The following TRIM37 variants were observed in gnomAD, a reference collection of about 807,000 sequenced individuals.
TRIM37 encodes tripartite motif containing 37.
TRIM37 carries 80 observed loss-of-function variants against 129.8 expected under a neutral mutation model. That is an observed-to-expected ratio of 0.62 (90% CI 0.51 to 0.74). The LOEUF is 0.74. Ranked by LOEUF, TRIM37 falls within the 30% of genes least tolerant of loss-of-function variation. The pLI, the probability that TRIM37 is intolerant of heterozygous loss-of-function variation, is 0.00. For missense variants in TRIM37, 1,054 were observed against 1,176.5 expected (o/e 0.90, Z 1.52); for synonymous variants, 389 against 387.1 (o/e 1.00, Z -0.06).
At chr17:59,051,685 A>T (rs1159608875) in intron 13 of TRIM37, among the ~76,000 whole-genome samples, 1 of 152,172 alleles carries the variant, frequency 6.6e-6, no homozygotes, top group Admixed American at 6.5e-5. Context: ...AAGGAGGAAG[A>T]TAACTCTTAT....
At chr17:59,058,791 G>C (rs1213330556) in intron 12 of TRIM37, among the ~76,000 whole-genome samples, 1 of 152,174 alleles carries the variant, frequency 6.6e-6, no homozygotes, top group African/African-American at 2.4e-5. Context: ...CTGGGCCCAG[G>C]AGGTTGAGGC....
intron 2 of TRIM37, 82 bp from the exon 3 acceptor site, chr17:59,091,422 TAA>T (rs1415331648): frequency 3.3e-5 from 10 of 298,916 alleles, no homozygotes; most frequent in South Asian, 6.9e-5. Flanking sequence ...TATTTATATA[TAA>T]TATATATAAT....
In TRIM37 at chr17:58,998,265, T is replaced by A; in HGVS notation, c.*1112A>T. 1.0e-6 allele frequency: 1 copy of A among 985,416 alleles called. No individual in the cohort carries two copies. The highest frequency in any genetic ancestry group is 1.2e-6 in the Non-Finnish European group (1 of 829,934). The allele number at this position is 985,416 out of a possible 1,614,324, so 61.0% of individuals were successfully genotyped here. Reference sequence around the variant, plus strand: ...ATTTTGAACAAAAGTAAACTATGAGTCACAGCATTCAGCAAGACATCAGAC... The same window carrying A: ...ATTTTGAACAAAAGTAAACTATGAGACACAGCATTCAGCAAGACATCAGAC... On this transcript the variant is annotated 3_prime_UTR_variant, in exon 24 of 24. Coordinates refer to ENST00000262294, the MANE Select transcript of TRIM37 (RefSeq NM_015294.6).
At chr17:59,030,116 T>G (rs2037678228) in intron 18 of TRIM37, among the ~76,000 whole-genome samples, 1 of 148,708 alleles carries the variant, frequency 6.7e-6, no homozygotes, top group Non-Finnish European at 1.5e-5. Flanking sequence ...TTCCAGTTCA[T>G]TTTTTTTTTT....
chr17:58,976,003 G>A, the TRIM37 span, among the ~76,000 whole-genome samples: 3 of 152,142 alleles, frequency 2.0e-5, no homozygotes, highest in African/African-American at 7.2e-5. Flanking sequence ...TGTAGATTTA[G>A]TTTCTTGGGC....
At chr17:59,051,374 A>T in intron 13 of TRIM37, 46 bp from the exon 14 acceptor site, 1 of 1,343,218 alleles carries the variant, frequency 7.4e-7, no homozygotes, top group Non-Finnish European at 1.1e-6. Context: ...AAATAGTAAA[A>T]CATTATCAGT....
At chr17:59,064,801 C>T (rs2041795725) in intron 9 of TRIM37, among the ~76,000 whole-genome samples, 1 of 152,136 alleles carries the variant, frequency 6.6e-6, no homozygotes, top group African/African-American at 2.4e-5. Flanking sequence ...ATCCCAGCTA[C>T]TTGGGAGGCT....
chr17:58,985,187 T>C (rs2031683932), intron 24 of TRIM37: 1 of 152,678 alleles, frequency 6.5e-6, no homozygotes, highest in Non-Finnish European at 1.5e-5. Flanking sequence ...CCACTAGTCA[T>C]TTGTCTTTTT....
At chr17:59,040,338 G>C (rs1373134361) in intron 17 of TRIM37, among the ~76,000 whole-genome samples, 1 of 152,162 alleles carries the variant, frequency 6.6e-6, no homozygotes, top group African/African-American at 2.4e-5. Context: ...GCCTAGACTA[G>C]AAATGGCAAA....
rs2039956432 is a variant in TRIM37, at chr17:59,047,674, G to A, written c.1667+9C>T. ...TAAATGCTTTACAGTAGTAAAGTGG[G>A]AAACTCACATAGTTTCTTCATCAAT... On this transcript the variant is annotated intron_variant, in intron 16 of 23. Coordinates refer to ENST00000262294, the MANE Select transcript of TRIM37 (RefSeq NM_015294.6). The A allele has an allele frequency of 6.2e-7, 1 of 1,611,816 alleles. No homozygotes were observed. The highest frequency in any genetic ancestry group is 1.1e-5 in the South Asian group (1 of 90,804).
intron 4 of TRIM37, among the ~76,000 whole-genome samples, chr17:59,087,814 CT>C (rs1242114411): frequency 6.6e-6 from 1 of 152,080 alleles, no homozygotes; most frequent in African/African-American, 2.4e-5. Flanking sequence ...CATGTTGTAG[CT>C]TCTTCATCTA....
At chr17:59,007,117 A>G (rs908091409) in intron 22 of TRIM37, among the ~76,000 whole-genome samples, 1 of 150,410 alleles carries the variant, frequency 6.6e-6, no homozygotes, top group African/African-American at 2.4e-5. Flanking sequence ...CTCACTCAGA[A>G]TAGCAGGGCA....
In TRIM37 at chr17:59,081,308, T is replaced by G. The variant is rs1169607794; in HGVS notation, c.370-89A>C. 3.9e-6 allele frequency: 6 copies of G among 1,538,842 alleles called. No homozygotes were observed. The Admixed American group carries it at 1.0e-4, about 26-fold the overall frequency. Reference sequence around the variant, plus strand: ...TAACACTCTATGGACACTAATAAACTGGTAAATCTCTCAAATGAACTTTAC... The same window carrying G: ...TAACACTCTATGGACACTAATAAACGGGTAAATCTCTCAAATGAACTTTAC... On this transcript the variant is annotated intron_variant, in intron 5 of 23. Transcript: ENST00000262294.
chr17:59,071,637 T>G (rs1287899969), intron 8 of TRIM37, among the ~76,000 whole-genome samples: 1 of 150,852 alleles, frequency 6.6e-6, no homozygotes, highest in African/African-American at 2.4e-5. Context: ...GGTGACAGAA[T>G]ACAAAACGTA....
At chr17:59,028,770 T>G in intron 18 of TRIM37, 47 bp from the exon 19 acceptor site, 1 of 1,596,568 alleles carries the variant, frequency 6.3e-7, no homozygotes, top group Middle Eastern at 1.7e-4. Context: ...TTAATATTAA[T>G]GAAATCATTT....
At chr17:59,099,951 G>C (rs1193826926) in intron 2 of TRIM37, among the ~76,000 whole-genome samples, 1 of 152,128 alleles carries the variant, frequency 6.6e-6, no homozygotes, top group Admixed American at 6.6e-5. Flanking sequence ...TTACAGACAT[G>C]TACCACCAGG....
At chr17:59,082,875 G>A (rs1236693728) in intron 5 of TRIM37, among the ~76,000 whole-genome samples, 4 of 152,078 alleles carry the variant, frequency 2.6e-5, no homozygotes, top group Non-Finnish European at 5.9e-5. Context: ...AGTATTAAAT[G>A]TGAGAACTTA....
intron 17 of TRIM37, among the ~76,000 whole-genome samples, chr17:59,040,898 T>C (rs112624427): frequency 6.7e-6 from 1 of 149,890 alleles, no homozygotes; most frequent in East Asian, 2.0e-4. Flanking sequence ...TACAAAAAAT[T>C]AGCCGGGCGC....
intron 14 of TRIM37, among the ~76,000 whole-genome samples, chr17:59,050,466 G>A (rs2040226757): frequency 6.6e-6 from 1 of 152,098 alleles, no homozygotes; most frequent in South Asian, 2.1e-4. Flanking sequence ...GCCAAGGCAG[G>A]CAGACTGCTT....
Sources: gnomAD v4.1 joint callset for allele counts (sites outside exome capture counted in the v4.1 genomes callset) on GRCh38, gnomAD v4.1.1 for gene constraint, MANE v1.5 for transcripts, NCBI Gene and HGNC (gene_info 2026-07-23, HGNC 2026-07-21) for gene names.